Variants in AIMP1 observed in about 807,000 individuals in gnomAD.
AIMP1 encodes the protein aminoacyl tRNA synthetase complex interacting multifunctional protein 1, also known as aminoacyl tRNA synthase complex-interacting multifunctional protein 1.
Under a neutral mutation model 33.1 loss-of-function variants are expected in AIMP1, and 24 were observed. That is an observed-to-expected ratio of 0.73 (90% CI 0.53 to 1.02). The LOEUF is 1.02. AIMP1 is among the 50% of genes least tolerant of loss of function. AIMP1 has a pLI of 0.00. For synonymous variants in AIMP1, 120 were observed against 121.5 expected, an observed-to-expected ratio of 0.99 and a Z score of 0.08; for missense variants, 367 against 364.8, an observed-to-expected ratio of 1.01 and a Z score of -0.05.
rs149952206 is a variant in AIMP1, at chr4:106,342,712, G to A, written c.773-4814G>A. Among the ~76,000 whole-genome samples, 75 of 152,204 alleles carry A rather than the reference G, an allele frequency of 4.9e-4. 1 individual carries two copies. The highest frequency in any genetic ancestry group is 1.1e-3 in the Non-Finnish European group (72 of 68,016). ...TATTTTGTTGATGACTTTTGTGTTA[G>A]TGTTCATCAGAGATATTGGCCTAAA... On this transcript the variant is annotated intron_variant, in intron 6 of 6. Coordinates refer to ENST00000672341, the MANE Select transcript of AIMP1 (RefSeq NM_001142416.2).
chr4:106,347,085 C>T (rs1770332092), intron 6 of AIMP1, among the ~76,000 whole-genome samples: 1 of 152,058 alleles, frequency 6.6e-6, no homozygotes, highest in Admixed American at 6.6e-5. Context: ...CAGGATAACT[C>T]ACTATCATGA....
chr4:106,347,437 C>G (rs937321793), intron 6 of AIMP1, 89 bp from the exon 7 acceptor site: 1 of 1,280,844 alleles, frequency 7.8e-7, no homozygotes, highest in African/African-American at 1.5e-5. Context: ...GTTGCCAAAA[C>G]AATTCACTGG....
chr4:106,333,823 G>C (rs1020185233), intron 5 of AIMP1, among the ~76,000 whole-genome samples: 4 of 150,598 alleles, frequency 2.7e-5, no homozygotes, highest in African/African-American at 4.9e-5. Context: ...CTTCAGAGCA[G>C]TGGTTTCTAA....
chr4:106,318,281 T>G (rs1203281666), intron 1 of AIMP1, among the ~76,000 whole-genome samples: 1 of 152,242 alleles, frequency 6.6e-6, no homozygotes, highest in East Asian at 1.9e-4. Flanking sequence ...TCTCAGTGTA[T>G]TTAATTTTCT....
At chr4:106,326,737 T>C (rs1769465826) in intron 2 of AIMP1, among the ~76,000 whole-genome samples, 1 of 152,016 alleles carries the variant, frequency 6.6e-6, no homozygotes, top group African/African-American at 2.4e-5. Flanking sequence ...ATAATGCTTC[T>C]CTTTTTTTTC....
chr4:106,316,532 G>C (rs115186370), upstream of AIMP1: 56,260 of 1,551,148 alleles, frequency 0.036, 1,225 homozygotes, highest in Middle Eastern at 0.072. Context: ...TATAGTACGC[G>C]GGTGGCTGGA....
intron 6 of AIMP1, among the ~76,000 whole-genome samples, chr4:106,346,200 C>T (rs189123618): frequency 6.6e-6 from 1 of 152,190 alleles, no homozygotes; most frequent in Non-Finnish European, 1.5e-5. Flanking sequence ...ACTTTTCTGT[C>T]ATTAAGTAGA....
At chr4:106,340,347 A>G (rs762577528) in intron 6 of AIMP1, among the ~76,000 whole-genome samples, 1 of 151,720 alleles carries the variant, frequency 6.6e-6, no homozygotes, top group African/African-American at 2.4e-5. Flanking sequence ...GGCAAATTGT[A>G]TGTCCTTGAA....
chr4:106,344,823 T>G (rs1204799984), intron 6 of AIMP1, among the ~76,000 whole-genome samples: 1 of 152,232 alleles, frequency 6.6e-6, no homozygotes, highest in Non-Finnish European at 1.5e-5. Context: ...TATTCATATC[T>G]TTCTGAACCT....
In AIMP1 at chr4:106,336,926, G is replaced by A. The variant is rs1769906356; in HGVS notation, c.661G>A (p.Val221Ile). 2 of 1,613,932 alleles carry A rather than the reference G, an allele frequency of 1.2e-6. No individual in the cohort carries two copies. Among genetic ancestry groups the A allele is most frequent in the Non-Finnish European group, 1.7e-6 (2 of 1,179,964 alleles). ...CNLKPAKMRG[V>I]LSQAMVMCAS... is the part of the protein sequence containing the mutation. ...CCTGAAACCTGCAAAGATGAGGGGA[G>A]TATTATCTCAAGCAATGGTCATGTG... The change falls in exon 6 of 7, where the codon GTA (valine) becomes ATA (isoleucine). Residue 221 changes from valine (V) to isoleucine (I), a missense_variant. Physicochemically the swap from Val to Ile is conservative, Grantham distance 29. Coordinates refer to ENST00000672341, the MANE Select transcript of AIMP1 (RefSeq NM_001142416.2).
At chr4:106,345,739 C>T (rs953897083) in intron 6 of AIMP1, among the ~76,000 whole-genome samples, 4 of 151,312 alleles carry the variant, frequency 2.6e-5, no homozygotes, top group Non-Finnish European at 4.4e-5. Flanking sequence ...AGCTAATAAA[C>T]AACAAAACTA....
intron 6 of AIMP1, among the ~76,000 whole-genome samples, chr4:106,339,598 T>A (rs1391598073): frequency 6.6e-6 from 1 of 152,238 alleles, no homozygotes; most frequent in Admixed American, 6.5e-5. Context: ...ACCTTGGATG[T>A]ATCTTTATTA....
chr4:106,331,586 C>T (rs1370878138), intron 4 of AIMP1, 86 bp from the exon 5 acceptor site: 4 of 1,170,118 alleles, frequency 3.4e-6, no homozygotes, highest in Non-Finnish European at 2.6e-6. Flanking sequence ...CTTTTAAGCT[C>T]ATTGGTATGG....
At chr4:106,322,654 T>C (rs1769307003) in intron 1 of AIMP1, among the ~76,000 whole-genome samples, 1 of 152,118 alleles carries the variant, frequency 6.6e-6, no homozygotes, top group Non-Finnish European at 1.5e-5. Context: ...TCATGAATAA[T>C]ATTTCCAGAT....
intron 4 of AIMP1, among the ~76,000 whole-genome samples, chr4:106,330,204 G>A (rs1418621369): frequency 6.6e-6 from 1 of 152,018 alleles, no homozygotes; most frequent in Non-Finnish European, 1.5e-5. Flanking sequence ...TTCTAGAATG[G>A]GGATTCCTGA....
chr4:106,320,812 T>G (rs1247270707), intron 1 of AIMP1, among the ~76,000 whole-genome samples: 1 of 152,166 alleles, frequency 6.6e-6, no homozygotes, highest in African/African-American at 2.4e-5. Context: ...GGCTGGACTG[T>G]ACTGCCACCA....
chr4:106,326,524 A>G (rs1769458081), intron 2 of AIMP1, among the ~76,000 whole-genome samples: 1 of 152,052 alleles, frequency 6.6e-6, no homozygotes, highest in South Asian at 2.1e-4. Flanking sequence ...TTGTTACCCC[A>G]TTGCACACTT....
chr4:106,336,858 A>G lies in AIMP1; in HGVS notation c.604-11A>G, dbSNP rs1216845725. Reference sequence around the variant, plus strand: ...TGTACATCTTTACTTACCAGTTTATATTTCACACAGATGCAAAATCGGATG... The same window carrying G: ...TGTACATCTTTACTTACCAGTTTATGTTTCACACAGATGCAAAATCGGATG... On this transcript the variant is annotated splice_polypyrimidine_tract_variant and intron_variant, in intron 5 of 6. Transcript: ENST00000672341. 6.2e-7 allele frequency: 1 copy of G among 1,613,304 alleles called. No homozygotes were observed. Among genetic ancestry groups the G allele is most frequent in the East Asian group, 2.2e-5 (1 of 44,834 alleles).
chr4:106,339,775 CAG>C (rs1371411126), intron 6 of AIMP1, among the ~76,000 whole-genome samples: 1 of 152,092 alleles, frequency 6.6e-6, no homozygotes, highest in Non-Finnish European at 1.5e-5. Flanking sequence ...CACAGAAAGA[CAG>C]AGATGAAAAG....
Sources: gnomAD v4.1 joint callset for allele counts (sites outside exome capture counted in the v4.1 genomes callset) on GRCh38, gnomAD v4.1.1 for gene constraint, MANE v1.5 for transcripts, NCBI Gene and HGNC (gene_info 2026-07-23, HGNC 2026-07-21) for gene names.